The following CREG1 variants were observed in gnomAD, a reference collection of about 807,000 sequenced individuals.
CREG1 encodes cellular repressor of E1A stimulated genes 1.
CREG1 carries 20 observed loss-of-function variants against 19.9 expected under a neutral mutation model. The ratio of observed to expected loss-of-function variants is 1.01; its 90% CI spans 0.71 to 1.46. The LOEUF is 1.46. Ranked by LOEUF, CREG1 falls within the 40% of genes most tolerant of loss-of-function variation. The pLI is 0.00. For missense variants in CREG1, 290 were observed against 314.9 expected, an observed-to-expected ratio of 0.92 and a Z score of 0.60; for synonymous variants, 141 against 143.3, an observed-to-expected ratio of 0.98 and a Z score of 0.12.
intron 3 of CREG1, 96 bp from the exon 4 acceptor site, chr1:167,542,397 A>T (rs1358229718): frequency 2.1e-5 from 25 of 1,200,944 alleles, no homozygotes; most frequent in Non-Finnish European, 2.8e-5. Flanking sequence ...AAAATTTCTG[A>T]TCTAAATTAA....
At chr1:167,542,834 T>A (rs1037307832) in intron 3 of CREG1, among the ~76,000 whole-genome samples, 1 of 152,154 alleles carries the variant, frequency 6.6e-6, no homozygotes, top group African/African-American at 2.4e-5. Flanking sequence ...TGACCTTTTG[T>A]TACCTGTGTG....
rs1406381148 is a variant in CREG1 at position 167,553,485 on chromosome 1, G to A, written c.257C>T (p.Ala86Val). The A allele has an allele frequency of 1.9e-5, 28 of 1,489,138 alleles. No individual in the cohort carries two copies. The East Asian group carries it at 7.8e-4, about 42-fold the overall frequency. The allele number at this position is 1,489,138 out of a possible 1,614,324, so 92.2% of individuals were successfully genotyped here. A position where few individuals can be genotyped will look rare whatever the true frequency, so the allele number is the denominator to read the frequency against. The change falls in exon 1 of 4, where the codon GCC becomes GTC. Residue 86 changes from alanine to valine, a missense_variant. Ala to Val is a moderately conservative substitution (Grantham distance 64). Transcript: ENST00000370509. ...CCCGTCGCTGAGCGAGAGGACGTCG[G>A]CGAAGGGCCGGCCGCGCACCGCCTC... ...TLEAVRGRPF[A>V]DVLSLSDGPP...
chr1:167,550,146 T>C (rs937049952), intron 1 of CREG1, among the ~76,000 whole-genome samples: 20 of 152,086 alleles, frequency 1.3e-4, no homozygotes, highest in African/African-American at 4.8e-4. Flanking sequence ...TACACCACCA[T>C]ACCCAGTTAA....
At chr1:167,548,531 C>T (rs770414915) in intron 1 of CREG1, among the ~76,000 whole-genome samples, 2 of 152,174 alleles carry the variant, frequency 1.3e-5, no homozygotes, top group Non-Finnish European at 2.9e-5. Context: ...GCTAACTACG[C>T]GATTTAAGCA....
chr1:167,543,666 A>C (rs909295321), intron 3 of CREG1, among the ~76,000 whole-genome samples: 1 of 152,064 alleles, frequency 6.6e-6, no homozygotes, highest in Admixed American at 6.6e-5. Flanking sequence ...TAGTGGGGGC[A>C]CTCCTAGACT....
intron 1 of CREG1, 41 bp downstream of exon 1, chr1:167,553,347 C>T: frequency 7.6e-7 from 1 of 1,315,826 alleles, no homozygotes; most frequent in Non-Finnish European, 9.8e-7. Context: ...GTGGCCGCCC[C>T]GCCCACAGCC....
In CREG1 at chr1:167,553,532, A is replaced by G; in HGVS notation, c.210T>C (p.Ala70=). 3 of 1,483,450 alleles carry G rather than the reference A, an allele frequency of 2.0e-6. No individual in the cohort carries two copies. The highest frequency in any genetic ancestry group is 1.8e-6 in the Non-Finnish European group (2 of 1,124,366). The allele number at this position is 1,483,450 out of a possible 1,614,324, so 91.9% of individuals were successfully genotyped here. ...CCTCCAGCGTGGAGATGGTGGCCAG[A>G]GCGCCCCAGTCGGAGACGTGCGTCA... ...RFVTHVSDWG[A]LATISTLEAV... Residue 70 remains alanine (A), a synonymous_variant, in exon 1 of 4, where the codon GCT becomes GCC. Transcript: ENST00000370509.
At chr1:167,550,123 G>A (rs191487620) in intron 1 of CREG1, among the ~76,000 whole-genome samples, 95 of 152,180 alleles carry the variant, frequency 6.2e-4, no homozygotes, top group Admixed American at 1.8e-3. Context: ...CCAAATAGCT[G>A]GGACTACGGT....
At chr1:167,543,390 G>A (rs1341203280) in intron 3 of CREG1, among the ~76,000 whole-genome samples, 1 of 152,172 alleles carries the variant, frequency 6.6e-6, no homozygotes, top group African/African-American at 2.4e-5. Flanking sequence ...GTTAAGCTCC[G>A]TATCAGCTCT....
chr1:167,552,977 G>A (rs1229912916), intron 1 of CREG1, among the ~76,000 whole-genome samples: 1 of 151,946 alleles, frequency 6.6e-6, no homozygotes, highest in African/African-American at 2.4e-5. Context: ...AACCTGGGAG[G>A]CAGAGGTTGC....
intron 3 of CREG1, among the ~76,000 whole-genome samples, chr1:167,543,614 G>T (rs760321302): frequency 6.6e-6 from 1 of 152,186 alleles, no homozygotes. Flanking sequence ...TACACTCCCC[G>T]GACTATTAAA....
chr1:167,550,683 G>A (rs1000748328), intron 1 of CREG1, among the ~76,000 whole-genome samples: 1 of 152,134 alleles, frequency 6.6e-6, no homozygotes, highest in Non-Finnish European at 1.5e-5. Flanking sequence ...AGAAGGACTG[G>A]ATTTAAACAT....
In CREG1 at chr1:167,553,754, A is replaced by C; in HGVS notation, c.-13T>G. On this transcript the variant is annotated 5_prime_UTR_variant, in exon 1 of 4. Coordinates refer to ENST00000370509, the MANE Select transcript of CREG1 (RefSeq NM_003851.3). ...ATAGCCCGGCCATGGCGGTGTCTCC[A>C]GGAAGAGTCCCGGGCCCCAAGACCT... 8.0e-7 allele frequency: 1 copy of C among 1,251,344 alleles called. No homozygotes were observed. The highest frequency in any genetic ancestry group is 1.0e-6 in the Non-Finnish European group (1 of 991,110). The allele number at this position is 1,251,344 out of a possible 1,614,324, so 77.5% of individuals were successfully genotyped here.
Position 167,546,286 on chromosome 1 carries a change from C to T in CREG1, c.475-1G>A, listed in dbSNP as rs753556329. 2 of 1,568,612 alleles carry T rather than the reference C, an allele frequency of 1.3e-6. No individual in the cohort carries two copies. Among genetic ancestry groups the T allele is most frequent in the African/African-American group, 2.7e-5 (2 of 73,222 alleles). The stretch of plus-strand genomic sequence containing the variant: ...CAATATCCATTTCTGTTTCATTCAC[C>T]TAAAGGACATATATGAAATAAACAT... On this transcript the variant is annotated splice_acceptor_variant, in intron 2 of 3. Transcript: ENST00000370509. LOFTEE classifies it high-confidence loss of function.
At chr1:167,551,289 G>A (rs1324585965) in intron 1 of CREG1, among the ~76,000 whole-genome samples, 1 of 152,178 alleles carries the variant, frequency 6.6e-6, no homozygotes, top group African/African-American at 2.4e-5. Flanking sequence ...CCCTGTCAAT[G>A]AGAAGAAATG....
rs1656423469 is a variant in CREG1 at position 167,551,587 on chromosome 1, A to AT, written c.354+1800_354+1801insA. On this transcript the variant is annotated intron_variant, in intron 1 of 3. Transcript: ENST00000370509. ...CTTCCTAAATGGGGACAATAATACCAGCAACTCCCTAGTCACCTCACAAAT... is the reference window on the plus strand; with the variant it reads ...CTTCCTAAATGGGGACAATAATACCATGCAACTCCCTAGTCACCTCACAAAT... 2.0e-5 allele frequency among the ~76,000 whole-genome samples: 3 copies of AT among 152,338 alleles called. No individual in the cohort carries two copies. The South Asian group carries it at 6.2e-4, about 32-fold the overall frequency.
At chr1:167,551,133 A>C (rs2102152733) in intron 1 of CREG1, among the ~76,000 whole-genome samples, 1 of 152,344 alleles carries the variant, frequency 6.6e-6, no homozygotes, top group South Asian at 2.1e-4. Context: ...AAAATGCCAC[A>C]AAGAAAGAGA....
intron 1 of CREG1, among the ~76,000 whole-genome samples, chr1:167,550,822 G>C (rs1021308660): frequency 6.6e-6 from 1 of 152,136 alleles, no homozygotes; most frequent in Non-Finnish European, 1.5e-5. Flanking sequence ...AGAAGAGAAT[G>C]TATACAACGA....
rs899606857 is a variant in CREG1 at position 167,541,245 on chromosome 1, T to C, written c.*1053A>G. On this transcript the variant is annotated 3_prime_UTR_variant, in exon 4 of 4. Coordinates refer to ENST00000370509, the MANE Select transcript of CREG1 (RefSeq NM_003851.3). ...AATCTTATGTCATCTTCTGAAATCA[T>C]GTATATGGGTAATAATATTAGTGTC... 6.6e-6 allele frequency: 1 copy of C among 152,210 alleles called. No homozygotes were observed. Among genetic ancestry groups the C allele is most frequent in the Admixed American group, 6.5e-5 (1 of 15,282 alleles). 9.4% of individuals were successfully genotyped at this position (152,210 alleles called of 1,614,324 possible).
Sources: gnomAD v4.1 joint callset for allele counts (sites outside exome capture counted in the v4.1 genomes callset) on GRCh38, gnomAD v4.1.1 for gene constraint, MANE v1.5 for transcripts, NCBI Gene and HGNC (gene_info 2026-07-23, HGNC 2026-07-21) for gene names.